CPNE8: variants seen among roughly 807,000 people sequenced by gnomAD.
The protein encoded by CPNE8 is copine 8, also known as copine-8.
In CPNE8, 45 loss-of-function variants were observed where a neutral mutation model predicts 81.5. The ratio of observed to expected loss-of-function variants is 0.55; its 90% CI spans 0.44 to 0.71. The LOEUF (loss-of-function observed/expected upper bound fraction) is 0.71. CPNE8 is among the 30% of genes least tolerant of loss of function. The pLI is 0.00. For synonymous variants in CPNE8, 252 were observed against 226.3 expected (o/e 1.11, Z -1.02); for missense variants, 594 against 672.1 (o/e 0.88, Z 1.28).
At chr12:38,844,763 AGCC>A in intron 4 of CPNE8, among the ~76,000 whole-genome samples, 1 of 152,186 alleles carries the variant, frequency 6.6e-6, no homozygotes, top group South Asian at 2.1e-4. Context: ...AGTTTATAAA[AGCC>A]ATTTCTAAAA....
At chr12:38,904,470 G>GTTTTTTTTTTT (rs11343890) in intron 1 of CPNE8, among the ~76,000 whole-genome samples, 1 of 120,306 alleles carries the variant, frequency 8.3e-6, no homozygotes. Context: ...GTTTTTTTTT[G>GTTTTTTTTTTT]TTTTTTTTTT....
intron 1 of CPNE8, among the ~76,000 whole-genome samples, chr12:38,888,942 C>T (rs1944273427): frequency 6.6e-6 from 1 of 152,212 alleles, no homozygotes; most frequent in South Asian, 2.1e-4. Flanking sequence ...TACTAACGTT[C>T]CTTTCTTCAA....
intron 3 of CPNE8, among the ~76,000 whole-genome samples, chr12:38,849,021 A>G (rs1468395878): frequency 6.6e-6 from 1 of 152,174 alleles, no homozygotes; most frequent in Non-Finnish European, 1.5e-5. Flanking sequence ...CAGACACTAC[A>G]TATTCTTATA....
chr12:38,756,947 A>G (rs1255718503), intron 10 of CPNE8, among the ~76,000 whole-genome samples: 1 of 152,164 alleles, frequency 6.6e-6, no homozygotes, highest in Non-Finnish European at 1.5e-5. Flanking sequence ...GTAATTTTGT[A>G]TTGATTCTAT....
intron 10 of CPNE8, among the ~76,000 whole-genome samples, chr12:38,758,981 T>TC (rs1941521527): frequency 1.3e-5 from 2 of 152,196 alleles, no homozygotes; most frequent in Non-Finnish European, 2.9e-5. Context: ...CCCTTGTTTA[T>TC]TAGTGGTTAA....
At chr12:38,762,237 G>T in intron 8 of CPNE8, 21 bp from the exon 9 acceptor site, 1 of 1,359,450 alleles carries the variant, frequency 7.4e-7, no homozygotes. Context: ...AGAGTTTTCA[G>T]TTATTTGCAT....
chr12:38,699,055 G>A (rs974773668), intron 14 of CPNE8, among the ~76,000 whole-genome samples: 2 of 152,186 alleles, frequency 1.3e-5, no homozygotes, highest in Non-Finnish European at 2.9e-5. Context: ...CTGGGGAATA[G>A]TGCCACCTTA....
chr12:38,740,777 C>T (rs1279422753), intron 10 of CPNE8, among the ~76,000 whole-genome samples: 4 of 152,120 alleles, frequency 2.6e-5, no homozygotes, highest in Non-Finnish European at 5.9e-5. Flanking sequence ...AGATGTGCTG[C>T]TAGATTTGGT....
At chr12:38,684,958 C>T (rs1226590510) in intron 16 of CPNE8, among the ~76,000 whole-genome samples, 1 of 152,056 alleles carries the variant, frequency 6.6e-6, no homozygotes, top group Non-Finnish European at 1.5e-5. Flanking sequence ...GAGTAATAAG[C>T]AATTATATTC....
intron 6 of CPNE8, among the ~76,000 whole-genome samples, chr12:38,823,044 C>T (rs1331043272): frequency 6.6e-6 from 1 of 152,098 alleles, no homozygotes; most frequent in African/African-American, 2.4e-5. Flanking sequence ...ACTATGCATT[C>T]TCCTATCCCT....
intron 15 of CPNE8, among the ~76,000 whole-genome samples, chr12:38,693,075 C>G (rs1254231689): frequency 6.6e-6 from 1 of 152,134 alleles, no homozygotes; most frequent in Non-Finnish European, 1.5e-5. Context: ...TCCAGGCAAC[C>G]CCAGCTTTTC....
intron 6 of CPNE8, among the ~76,000 whole-genome samples, chr12:38,819,639 C>T (rs933904971): frequency 5.3e-5 from 8 of 151,642 alleles, no homozygotes; most frequent in Non-Finnish European, 8.8e-5. Context: ...TGATGGCGGG[C>T]GCCTGTAGTC....
intron 6 of CPNE8, among the ~76,000 whole-genome samples, chr12:38,815,092 C>G (rs1481910246): frequency 6.6e-6 from 1 of 152,166 alleles, no homozygotes; most frequent in Non-Finnish European, 1.5e-5. Context: ...TATTTGCCCT[C>G]TCTGCACCTA....
intron 13 of CPNE8, among the ~76,000 whole-genome samples, chr12:38,709,127 G>A (rs985374383): frequency 1.3e-5 from 2 of 152,126 alleles, no homozygotes; most frequent in Admixed American, 6.6e-5. Flanking sequence ...CTTCTGCCTT[G>A]ATTTACCAAT....
chr12:38,871,770 A>G (rs988275247), intron 3 of CPNE8, among the ~76,000 whole-genome samples: 1 of 152,214 alleles, frequency 6.6e-6, no homozygotes. Flanking sequence ...ATTTGAAGCA[A>G]AGAAGAAGCA....
At chr12:38,718,047 A>C (rs1259712889) in intron 13 of CPNE8, among the ~76,000 whole-genome samples, 1 of 152,170 alleles carries the variant, frequency 6.6e-6, no homozygotes, top group Non-Finnish European at 1.5e-5. Context: ...CTTTAAAAAA[A>C]AAAAGCTAAG....
chr12:38,904,460 GT>G (rs200928843), intron 1 of CPNE8, among the ~76,000 whole-genome samples: 15 of 130,520 alleles, frequency 1.1e-4, no homozygotes, highest in Middle Eastern at 3.6e-3. Context: ...TTGAAAGTCA[GT>G]TTTTTTTTGT....
rs775721442 is a variant in CPNE8 at position 38,724,843 on chromosome 12, T to TA, written c.852+2dup. ...TTAATAAATAACATAAAATTTGACT[T>TA]ACTGTTCCAGAATTAGTATATTTTT... On this transcript the variant is annotated splice_region_variant and intron_variant, in intron 12 of 19. Coordinates refer to ENST00000331366, the MANE Select transcript of CPNE8 (RefSeq NM_153634.3). 3 of 1,448,378 alleles carry TA rather than the reference T, an allele frequency of 2.1e-6. No homozygotes were observed. In the East Asian group the frequency reaches 7.0e-5, roughly 34 times the overall value. The allele number at this position is 1,448,378 out of a possible 1,614,324, so 89.7% of individuals were successfully genotyped here.
At chr12:38,781,449 T>G (rs1942051421) in intron 6 of CPNE8, among the ~76,000 whole-genome samples, 2 of 152,068 alleles carry the variant, frequency 1.3e-5, no homozygotes, top group African/African-American at 4.8e-5. Context: ...AATGGAAAGA[T>G]ATCTCAGAAA....
Sources: allele counts gnomAD v4.1 joint callset (sites outside exome capture counted in the v4.1 genomes callset), GRCh38; gene constraint gnomAD v4.1.1; transcripts MANE v1.5; gene names NCBI Gene and HGNC (gene_info 2026-07-23, HGNC 2026-07-21).